The following SLIT2 variants were observed in gnomAD, a reference collection of about 807,000 sequenced individuals.
SLIT2 encodes slit homolog 2 protein.
Under a neutral mutation model 185.7 loss-of-function variants are expected in SLIT2, and 41 were observed. That is an observed-to-expected ratio of 0.22 (90% CI 0.17 to 0.29). The LOEUF is 0.29. Among genes scored for constraint, SLIT2 ranks in the 10% least tolerant of loss-of-function variants. The pLI is 1.00. For synonymous variants in SLIT2, 693 were observed against 680.2 expected (o/e 1.02, Z -0.29); for missense variants, 1,571 against 1,909.0 (o/e 0.82, Z 3.30).
chr4:20,266,213 G>A (rs1713020068), intron 3 of SLIT2, among the ~76,000 whole-genome samples: 3 of 151,804 alleles, frequency 2.0e-5, no homozygotes, highest in Non-Finnish European at 4.4e-5. Context: ...TATCCAGTCT[G>A]AAAAATCTGC....
At chr4:20,315,774 T>A (rs1394796906) in intron 4 of SLIT2, among the ~76,000 whole-genome samples, 2 of 152,118 alleles carry the variant, frequency 1.3e-5, no homozygotes, top group Non-Finnish European at 2.9e-5. Context: ...AGATGTTTAG[T>A]AAATATTTCA....
chr4:20,598,026 A>C (rs898557758), intron 32 of SLIT2, among the ~76,000 whole-genome samples: 1 of 152,344 alleles, frequency 6.6e-6, no homozygotes, highest in Admixed American at 6.5e-5. Flanking sequence ...AAGCACATCC[A>C]ACATGTTTAC....
chr4:20,479,117 A>G (rs1004049000), intron 5 of SLIT2, among the ~76,000 whole-genome samples: 1 of 152,150 alleles, frequency 6.6e-6, no homozygotes, highest in African/African-American at 2.4e-5. Context: ...TTTGGGGTGC[A>G]CCTTTGTTAA....
intron 2 of SLIT2, among the ~76,000 whole-genome samples, chr4:20,257,608 A>G (rs113756817): frequency 6.6e-6 from 1 of 152,162 alleles, no homozygotes; most frequent in South Asian, 2.1e-4. Context: ...CAGATATACT[A>G]TTAGTTTAAG....
Position 20,254,145 on chromosome 4 carries a change from G to T in SLIT2, c.179+151G>T. 1.3e-6 allele frequency: 1 copy of T among 797,352 alleles called. No individual in the cohort carries two copies. The highest frequency in any genetic ancestry group is 2.0e-6 in the Non-Finnish European group (1 of 509,830). The allele number at this position is 797,352 out of a possible 1,614,324, so 49.4% of individuals were successfully genotyped here. A position where few individuals can be genotyped will look rare whatever the true frequency, so the allele number is the denominator to read the frequency against. ...ATCCTGGGGTTGAGCTCTCCGGGAG[G>T]GCACTGGCCAGGGAAGGGCCTCTGT... On this transcript the variant is annotated intron_variant, in intron 1 of 36. Transcript: ENST00000504154. The surrounding 1 kb of genome is among the most constrained non-coding windows in gnomAD (Gnocchi z 5.1).
intron 4 of SLIT2, among the ~76,000 whole-genome samples, chr4:20,414,895 A>T (rs1045790678): frequency 6.6e-6 from 1 of 152,004 alleles, no homozygotes; most frequent in Non-Finnish European, 1.5e-5. Context: ...AGCTTCTTGG[A>T]TGTATAGATT....
At chr4:20,569,680 C>T (rs1206344899) in intron 29 of SLIT2, among the ~76,000 whole-genome samples, 1 of 151,876 alleles carries the variant, frequency 6.6e-6, no homozygotes, top group Non-Finnish European at 1.5e-5. Flanking sequence ...GAATTAGAAA[C>T]TTCATAGATA....
intron 4 of SLIT2, among the ~76,000 whole-genome samples, chr4:20,442,225 A>C (rs908804283): frequency 6.6e-6 from 1 of 152,112 alleles, no homozygotes; most frequent in Non-Finnish European, 1.5e-5. Context: ...GCGTTTAGAA[A>C]GGGGGACTGG....
At chr4:20,554,420 T>C (rs1724057637) in intron 26 of SLIT2, 2 of 436,794 alleles carry the variant, frequency 4.6e-6, no homozygotes, top group Admixed American at 4.9e-5. Context: ...CCTGTGTTGA[T>C]GTTCTTGTTT....
At chr4:20,397,414 A>C (rs1174913650) in intron 4 of SLIT2, among the ~76,000 whole-genome samples, 1 of 151,808 alleles carries the variant, frequency 6.6e-6, no homozygotes, top group African/African-American at 2.4e-5. Flanking sequence ...GTGTTGTATA[A>C]ATGATTTAGT....
chr4:20,281,050 G>A (rs980688339), intron 4 of SLIT2, among the ~76,000 whole-genome samples: 3 of 151,918 alleles, frequency 2.0e-5, no homozygotes, highest in Admixed American at 6.6e-5. Context: ...TCAGGCTGGC[G>A]TCAAACTTCA....
intron 4 of SLIT2, among the ~76,000 whole-genome samples, chr4:20,343,142 C>T (rs1016499192): frequency 6.6e-6 from 1 of 152,016 alleles, no homozygotes; most frequent in Non-Finnish European, 1.5e-5. Flanking sequence ...ACTCTTCTAT[C>T]AAAGGTTAGG....
chr4:20,440,877 TC>T (rs1469315938), intron 4 of SLIT2, among the ~76,000 whole-genome samples: 1 of 152,090 alleles, frequency 6.6e-6, no homozygotes, highest in Non-Finnish European at 1.5e-5. Context: ...TATTGAGGAG[TC>T]ATCGTACCCA....
At chr4:20,301,452 G>T (rs1717028471) in intron 4 of SLIT2, among the ~76,000 whole-genome samples, 1 of 152,056 alleles carries the variant, frequency 6.6e-6, no homozygotes, top group African/African-American at 2.4e-5. Context: ...ATGCCATTCT[G>T]AATGTCATTT....
intron 4 of SLIT2, among the ~76,000 whole-genome samples, chr4:20,283,619 C>G (rs1013657722): frequency 6.6e-6 from 1 of 152,166 alleles, no homozygotes. Flanking sequence ...ACCATCTCAT[C>G]TCTTAGTTCC....
chr4:20,552,156 C>A (rs1029779032), intron 25 of SLIT2, among the ~76,000 whole-genome samples: 1 of 152,164 alleles, frequency 6.6e-6, no homozygotes, highest in Non-Finnish European at 1.5e-5. Flanking sequence ...CTCAGAGATG[C>A]AGGGCTGTGG....
chr4:20,420,275 C>A (rs1728071669), intron 4 of SLIT2, among the ~76,000 whole-genome samples: 1 of 152,108 alleles, frequency 6.6e-6, no homozygotes, highest in Non-Finnish European at 1.5e-5. Context: ...TAACTTGGTG[C>A]TTTTGGATTC....
At chr4:20,571,623 T>G (rs1725612501) in intron 29 of SLIT2, among the ~76,000 whole-genome samples, 1 of 152,192 alleles carries the variant, frequency 6.6e-6, no homozygotes, top group Admixed American at 6.5e-5. Flanking sequence ...TTTCTTATAA[T>G]GTGATTATAT....
chr4:20,357,341 A>G (rs181294203), intron 4 of SLIT2, among the ~76,000 whole-genome samples: 1 of 152,296 alleles, frequency 6.6e-6, no homozygotes, highest in East Asian at 1.9e-4. Flanking sequence ...AAGAGGCTTT[A>G]GGAATATAAA....
Sources: allele counts gnomAD v4.1 joint callset (sites outside exome capture counted in the v4.1 genomes callset), GRCh38; gene constraint gnomAD v4.1.1; non-coding constraint Gnocchi (gnomAD v3.1); transcripts MANE v1.5; gene names NCBI Gene and HGNC (gene_info 2026-07-23, HGNC 2026-07-21).